The following ANGPT1 variants were observed in gnomAD, a reference collection of about 807,000 sequenced individuals.
ANGPT1 encodes angiopoietin 1.
Under a neutral mutation model 62.2 loss-of-function variants are expected in ANGPT1, and 17 were observed. The ratio of observed to expected loss-of-function variants is 0.27; its 90% CI spans 0.19 to 0.41. The LOEUF (loss-of-function observed/expected upper bound fraction) is 0.41. Among genes scored for constraint, ANGPT1 ranks in the 10% least tolerant of loss-of-function variants. The pLI is 1.00. For missense variants in ANGPT1, 478 were observed against 594.9 expected (o/e 0.80, Z 2.04); for synonymous variants, 199 against 198.9 (o/e 1.00, Z 0.00).
chr8:107,360,529 C>T (rs1816140385), intron 1 of ANGPT1, among the ~76,000 whole-genome samples: 1 of 152,146 alleles, frequency 6.6e-6, no homozygotes, highest in Admixed American at 6.5e-5. Flanking sequence ...TGCCCAAGTT[C>T]AAACAGCCAA....
chr8:107,329,090 A>G (rs1815358210), intron 3 of ANGPT1, among the ~76,000 whole-genome samples: 1 of 152,098 alleles, frequency 6.6e-6, no homozygotes, highest in African/African-American at 2.4e-5. Flanking sequence ...TAATCTACAC[A>G]TATATGCACA....
intron 4 of ANGPT1, among the ~76,000 whole-genome samples, chr8:107,318,635 TAATTC>T (rs1383601790): frequency 2.5e-4 from 38 of 152,340 alleles, no homozygotes; most frequent in African/African-American, 7.0e-4. Flanking sequence ...TTTAAGAAAT[TAATTC>T]ATTTACTTGT....
chr8:107,400,008 A>G (rs1817013556), intron 1 of ANGPT1, among the ~76,000 whole-genome samples: 1 of 152,208 alleles, frequency 6.6e-6, no homozygotes, highest in Non-Finnish European at 1.5e-5. Context: ...CAATAGAGCC[A>G]CATGCACACC....
At chr8:107,461,199 C>T (rs370299287) in intron 1 of ANGPT1, among the ~76,000 whole-genome samples, 138 of 151,952 alleles carry the variant, frequency 9.1e-4, no homozygotes, top group African/African-American at 3.3e-3. Flanking sequence ...ACCTACAGAC[C>T]CTTGGGATTT....
intron 1 of ANGPT1, among the ~76,000 whole-genome samples, chr8:107,393,734 T>G (rs1202775232): frequency 6.6e-6 from 1 of 152,120 alleles, no homozygotes; most frequent in African/African-American, 2.4e-5. Context: ...CACTTGAACC[T>G]GGGAGACGGT....
At chr8:107,442,718 A>C (rs1325508478) in intron 1 of ANGPT1, among the ~76,000 whole-genome samples, 1 of 152,212 alleles carries the variant, frequency 6.6e-6, no homozygotes, top group African/African-American at 2.4e-5. Flanking sequence ...TGAAAGTGGC[A>C]ATGACTGCTT....
chr8:107,345,974 C>T (rs1256186642), intron 2 of ANGPT1, among the ~76,000 whole-genome samples: 2 of 152,068 alleles, frequency 1.3e-5, no homozygotes, highest in South Asian at 2.1e-4. Context: ...AAACTAGCTG[C>T]ATGAATGTGA....
In ANGPT1 at chr8:107,497,897, C is replaced by A; in HGVS notation, c.-339G>T. On this transcript the variant is annotated 5_prime_UTR_variant, in exon 1 of 9. Coordinates refer to ENST00000517746, the MANE Select transcript of ANGPT1 (RefSeq NM_001146.5). The stretch of plus-strand genomic sequence containing the variant: ...TACATATTCTAGACCCTTTCCTCTA[C>A]CCTATCTGCTGCAGATCTGCTATTT... 2.2e-6 allele frequency: 1 copy of A among 448,628 alleles called. No individual in the cohort carries two copies. The highest frequency in any genetic ancestry group is 3.9e-6 in the Non-Finnish European group (1 of 256,192). The allele number at this position is 448,628 out of a possible 1,614,324, so 27.8% of individuals were successfully genotyped here.
intron 1 of ANGPT1, among the ~76,000 whole-genome samples, chr8:107,429,831 A>G (rs912075638): frequency 1.5e-4 from 22 of 145,476 alleles, no homozygotes; most frequent in African/African-American, 5.4e-4. Context: ...GGCTTCCACA[A>G]ATCTTTTGTT....
At chr8:107,319,141 G>T (rs1316706889) in intron 4 of ANGPT1, among the ~76,000 whole-genome samples, 1 of 152,160 alleles carries the variant, frequency 6.6e-6, no homozygotes, top group Non-Finnish European at 1.5e-5. Context: ...CTTCAGCAAT[G>T]GGATCTTCGC....
At chr8:107,363,122 T>C (rs896120008) in intron 1 of ANGPT1, among the ~76,000 whole-genome samples, 1 of 147,230 alleles carries the variant, frequency 6.8e-6, no homozygotes, top group African/African-American at 2.5e-5. Flanking sequence ...TTGTCAGCCA[T>C]ATGAACTCCA....
chr8:107,420,321 A>G (rs1175642589), intron 1 of ANGPT1, among the ~76,000 whole-genome samples: 1 of 152,124 alleles, frequency 6.6e-6, no homozygotes, highest in African/African-American at 2.4e-5. Context: ...GTTCAATGTA[A>G]AAAGTGTTTC....
At chr8:107,323,621 G>A (rs1179441092) in intron 3 of ANGPT1, among the ~76,000 whole-genome samples, 1 of 152,186 alleles carries the variant, frequency 6.6e-6, no homozygotes, top group East Asian at 1.9e-4. Flanking sequence ...GGCAGAAGCT[G>A]TGCCATCCTG....
chr8:107,409,975 AT>A (rs1462462688), intron 1 of ANGPT1, among the ~76,000 whole-genome samples: 3 of 151,950 alleles, frequency 2.0e-5, no homozygotes, highest in Non-Finnish European at 4.4e-5. Context: ...CCATCCATCC[AT>A]CCATCCATCC....
At chr8:107,370,205 A>AAGAAAGG in intron 1 of ANGPT1, among the ~76,000 whole-genome samples, 1 of 148,550 alleles carries the variant, frequency 6.7e-6, no homozygotes, top group Non-Finnish European at 1.5e-5. Flanking sequence ...AAAAGAAAGA[A>AAGAAAGG]AGAAAGAAAG....
intron 4 of ANGPT1, among the ~76,000 whole-genome samples, chr8:107,304,634 G>A (rs1814671972): frequency 6.6e-6 from 1 of 151,760 alleles, no homozygotes; most frequent in East Asian, 1.9e-4. Context: ...TATAGGTATT[G>A]AGCAGTCTAA....
chr8:107,306,026 A>T (rs888861819), intron 4 of ANGPT1, among the ~76,000 whole-genome samples: 1 of 152,036 alleles, frequency 6.6e-6, no homozygotes, highest in Non-Finnish European at 1.5e-5. Context: ...GGTAGTTATA[A>T]ATACCTCTGA....
At chr8:107,405,015 C>A (rs10046620) in intron 1 of ANGPT1, among the ~76,000 whole-genome samples, 3,662 of 151,990 alleles carry the variant, frequency 0.024, 138 homozygotes, top group African/African-American at 0.082. Context: ...CTTGAGAACA[C>A]CATGGGTTGA....
intron 8 of ANGPT1, among the ~76,000 whole-genome samples, chr8:107,253,243 TTAATGTAG>T (rs1452729570): frequency 6.6e-6 from 1 of 152,146 alleles, no homozygotes; most frequent in African/African-American, 2.4e-5. Flanking sequence ...AACATAAATG[TTAATGTAG>T]TCAAAACATG....
Sources: allele counts gnomAD v4.1 joint callset (sites outside exome capture counted in the v4.1 genomes callset), GRCh38; gene constraint gnomAD v4.1.1; transcripts MANE v1.5; gene names NCBI Gene and HGNC (gene_info 2026-07-23, HGNC 2026-07-21).